Variants in ABI3BP observed in about 807,000 individuals in gnomAD.
ABI3BP encodes the protein target of Nesh-SH3.
Under a neutral mutation model 268.6 loss-of-function variants are expected in ABI3BP, and 216 were observed. The ratio of observed to expected loss-of-function variants is 0.80; its 90% confidence interval spans 0.72 to 0.90. The LOEUF (loss-of-function observed/expected upper bound fraction) is 0.90. ABI3BP is among the 40% of genes least tolerant of loss of function. The probability of loss-of-function intolerance (pLI) is 0.00; values close to 1 mark genes in which losing one functional copy is unlikely to be tolerated. For synonymous variants in ABI3BP, 730 were observed against 730.0 expected (o/e 1.00, Z 0.00); for missense variants, 2,090 against 2,182.4 (o/e 0.96, Z 0.84).
intron 51 of ABI3BP, among the ~76,000 whole-genome samples, chr3:100,803,319 G>A (rs1349929926): frequency 7.6e-6 from 1 of 131,344 alleles, no homozygotes; most frequent in Non-Finnish European, 1.7e-5. Flanking sequence ...ATTAAGGCAA[G>A]TTTTTTTTTT....
intron 14 of ABI3BP, among the ~76,000 whole-genome samples, chr3:100,859,898 C>T (rs2098979249): frequency 6.6e-6 from 1 of 152,124 alleles, no homozygotes; most frequent in Non-Finnish European, 1.5e-5. Flanking sequence ...TAGCGCTTCT[C>T]AAACTTTAAT....
Position 100,770,855 on chromosome 3 carries a change from A to G in ABI3BP, c.4629T>C (p.Asn1543=), listed in dbSNP as rs2096526284. The stretch of plus-strand genomic sequence containing the variant: ...GTGGGTTCTGTGGTGGGCTGGTGGC[A>G]TTCCCCTCTGTGGCCTCCTCTTTGG... ...RFPKEEATEG[N]ATSPPQNPPT... Residue 1543 remains asparagine (N), a synonymous_variant, in exon 62 of 68, where the codon AAT becomes AAC. Coordinates refer to ENST00000471714, the MANE Select transcript of ABI3BP (RefSeq NM_001375547.2). 3 of 1,604,924 alleles carry G rather than the reference A, an allele frequency of 1.9e-6. No homozygotes were observed. Among genetic ancestry groups the G allele is most frequent in the Non-Finnish European group, 2.6e-6 (3 of 1,175,690 alleles).
In ABI3BP at chr3:100,898,794, G is replaced by A; in HGVS notation, c.429C>T (p.Asp143=). ...TGGGACAGTGACTTGGCAATGTCCA[G>A]TCATGGTGTGGGTTGATGAGGAAAC... The part of the protein sequence containing the change: ...SWGFLINPHH[D]WTLPSHCPND... Residue 143 remains aspartate (D), a synonymous_variant, in exon 4 of 68, where the codon GAC becomes GAT. Coordinates refer to ENST00000471714, the MANE Select transcript of ABI3BP (RefSeq NM_001375547.2). The A allele has an allele frequency of 6.2e-7, 1 of 1,613,742 alleles. No individual in the cohort carries two copies.
chr3:100,880,215 G>A (rs1254156380), intron 6 of ABI3BP, among the ~76,000 whole-genome samples: 1 of 152,124 alleles, frequency 6.6e-6, no homozygotes, highest in Non-Finnish European at 1.5e-5. Flanking sequence ...TGACAGCCCC[G>A]CAGGCTCCCA....
At chr3:100,857,415 C>A (rs1441319304) in intron 14 of ABI3BP, among the ~76,000 whole-genome samples, 1 of 152,080 alleles carries the variant, frequency 6.6e-6, no homozygotes, top group African/African-American at 2.4e-5. Flanking sequence ...ACCTTATTTC[C>A]ATTTTATAGA....
chr3:100,779,604 A>ACTCTCT lies in ABI3BP; in HGVS notation c.4240+522_4240+527dup, dbSNP rs138554435. ...TGCCTGGTATACTAGTAAGAGAAAG[A>ACTCTCT]CTCTCTCTCTCTCTCTCTCTCTCTC... On this transcript the variant is annotated intron_variant, in intron 58 of 67. Coordinates refer to ENST00000471714, the MANE Select transcript of ABI3BP (RefSeq NM_001375547.2). Among the ~76,000 whole-genome samples the ACTCTCT allele has an allele frequency of 7.7e-3, 1,039 of 135,580 alleles. 8 individuals are homozygous for ACTCTCT. The highest frequency in any genetic ancestry group is 0.028 in the South Asian group (121 of 4,348). 88.9% of individuals were successfully genotyped at this position (135,580 alleles called of 152,430 possible).
At chr3:100,820,928 A>C (rs1171042531) in intron 39 of ABI3BP, 126 bp downstream of exon 39, 3 of 830,404 alleles carry the variant, frequency 3.6e-6, no homozygotes, top group Non-Finnish European at 5.7e-6. Context: ...GATGAAGAAT[A>C]TGATGGAATG....
intron 1 of ABI3BP, among the ~76,000 whole-genome samples, chr3:100,956,977 C>T (rs947014403): frequency 2.6e-5 from 4 of 152,096 alleles, no homozygotes; most frequent in South Asian, 2.1e-4. Flanking sequence ...AGGACACTGA[C>T]GGAGTTTGGC....
chr3:100,784,835 T>C (rs2096977461), intron 57 of ABI3BP, among the ~76,000 whole-genome samples: 2 of 152,070 alleles, frequency 1.3e-5, no homozygotes, highest in South Asian at 4.1e-4. Flanking sequence ...AAGCTGTAAG[T>C]ACACAAAGGC....
chr3:100,822,579 C>T lies in ABI3BP; in HGVS notation c.2887+10G>A. On this transcript the variant is annotated intron_variant, in intron 38 of 67. Coordinates refer to ENST00000471714, the MANE Select transcript of ABI3BP (RefSeq NM_001375547.2). ...GCAGGGACTCTTTAAACCAGGAACA[C>T]ATAGTTTACCTGGTTTGGATTCAGG... 6.5e-7 allele frequency: 1 copy of T among 1,535,758 alleles called. No homozygotes were observed. The highest frequency in any genetic ancestry group is 8.7e-7 in the Non-Finnish European group (1 of 1,146,314).
chr3:100,844,922 T>C (rs11926617), intron 20 of ABI3BP, among the ~76,000 whole-genome samples: 18,429 of 152,246 alleles, frequency 0.12, 1,179 homozygotes, highest in South Asian at 0.16. Flanking sequence ...ATGATAAAAA[T>C]ATAACCTTCC....
intron 33 of ABI3BP, among the ~76,000 whole-genome samples, chr3:100,829,058 C>T (rs994458262): frequency 6.6e-6 from 1 of 151,864 alleles, no homozygotes; most frequent in African/African-American, 2.4e-5. Flanking sequence ...GGTTTCCATA[C>T]ATTCCCTGCC....
At position 100,811,275 on chromosome 3, in the gene ABI3BP, C is replaced by T; in HGVS notation, c.3496G>A (p.Val1166Met). The change falls in exon 48 of 68, where the codon GTG becomes ATG. Residue 1166 changes from valine (V) to methionine (M), a missense_variant and splice_region_variant. By Grantham distance (21) the Val-to-Met change is conservative. Transcript: ENST00000471714. Reference protein sequence around the residue: ...LWPEEPKTEVVESITYVSEPP... With the variant: ...LWPEEPKTEVMESITYVSEPP... The stretch of plus-strand genomic sequence containing the variant: ...TCAGATACATATGTAATAGATTCCA[C>T]AACTGTACCAAAACAAAGGAGAAAA... 6.5e-7 allele frequency: 1 copy of T among 1,532,800 alleles called. No individual in the cohort carries two copies. Among genetic ancestry groups the T allele is most frequent in the Admixed American group, 2.0e-5 (1 of 50,650 alleles). The allele number at this position is 1,532,800 out of a possible 1,614,324, so 94.9% of individuals were successfully genotyped here. A position where few individuals can be genotyped will look rare whatever the true frequency, so the allele number is the denominator to read the frequency against.
chr3:100,805,104 C>T (rs182674730), intron 50 of ABI3BP, among the ~76,000 whole-genome samples: 56 of 152,098 alleles, frequency 3.7e-4, no homozygotes, highest in African/African-American at 4.8e-4. Context: ...AATTACAAAG[C>T]GTCAGAGTAA....
chr3:100,912,473 ATAAGGTAATTATT>A (rs371351354), intron 2 of ABI3BP, among the ~76,000 whole-genome samples: 136 of 152,226 alleles, frequency 8.9e-4, no homozygotes, highest in African/African-American at 3.3e-3. Context: ...ATTTGATGAA[ATAAGGTAATTATT>A]TTTATTAGAA....
At chr3:100,837,592 A>G (rs998184179) in intron 26 of ABI3BP, among the ~76,000 whole-genome samples, 15 of 152,122 alleles carry the variant, frequency 9.9e-5, no homozygotes, top group Non-Finnish European at 7.4e-5. Flanking sequence ...CCCCGTCTCT[A>G]CTAAAAATAC....
intron 63 of ABI3BP, among the ~76,000 whole-genome samples, chr3:100,757,161 T>C (rs1402106587): frequency 6.6e-6 from 1 of 152,080 alleles, no homozygotes; most frequent in African/African-American, 2.4e-5. Flanking sequence ...AGTTGGAGAA[T>C]TATTCCAGAG....
At chr3:100,813,382 C>T (rs73152484) in intron 45 of ABI3BP, among the ~76,000 whole-genome samples, 21,051 of 152,078 alleles carry the variant, frequency 0.14, 1,898 homozygotes, top group South Asian at 0.27. Flanking sequence ...ATAATAAAAT[C>T]AGTTCTTCTA....
At position 100,823,471 on chromosome 3, in the gene ABI3BP, G is replaced by C. The variant is rs1298532957; in HGVS notation, c.2790C>G (p.Ala930=). The change falls in exon 37 of 68, where the codon GCC becomes GCG. Residue 930 remains alanine, a synonymous_variant. Transcript: ENST00000471714. ...TATCAACGTTACCTAATGTTGTTGAGGCCTCAGGTCTAAGAGTGACAGGTT... is the reference window on the plus strand; with the variant it reads ...TATCAACGTTACCTAATGTTGTTGACGCCTCAGGTCTAAGAGTGACAGGTT... The part of the protein sequence containing the change: ...VLEPVTLRPE[A]STTLASKTSQ... 4 of 1,534,368 alleles carry C rather than the reference G, an allele frequency of 2.6e-6. No homozygotes were observed. The East Asian group carries it at 9.8e-5, about 38-fold the overall frequency.
Sources: gnomAD v4.1 joint callset for allele counts (sites outside exome capture counted in the v4.1 genomes callset) on GRCh38, gnomAD v4.1.1 for gene constraint, MANE v1.5 for transcripts, NCBI Gene and HGNC (gene_info 2026-07-23, HGNC 2026-07-21) for gene names.